The following ABCA10 variants were observed in gnomAD, a reference collection of about 807,000 sequenced individuals.
The protein encoded by ABCA10 is ATP-binding cassette sub-family A member 10.
Under a neutral mutation model 187.5 loss-of-function variants are expected in ABCA10, and 169 were observed. That is an observed-to-expected ratio of 0.90 (90% confidence interval 0.80 to 1.02). The LOEUF (loss-of-function observed/expected upper bound fraction) is 1.02, where lower values mean the gene tolerates loss of function less well. ABCA10 is among the 50% of genes least tolerant of loss of function. ABCA10 has a pLI of 0.00. For missense variants in ABCA10, 1,727 were observed against 1,812.4 expected (o/e 0.95, Z 0.86); for synonymous variants, 574 against 601.8 (o/e 0.95, Z 0.68).
At chr17:69,241,287 G>A (rs1413654255) in intron 1 of ABCA10, among the ~76,000 whole-genome samples, 3 of 152,124 alleles carry the variant, frequency 2.0e-5, no homozygotes, top group African/African-American at 7.2e-5. Flanking sequence ...TCAATATTCA[G>A]AATTAGACCA....
At chr17:69,220,866 T>C (rs1202031114) in intron 5 of ABCA10, among the ~76,000 whole-genome samples, 2 of 152,210 alleles carry the variant, frequency 1.3e-5, no homozygotes, top group Admixed American at 1.3e-4. Context: ...ACAGCGGCTT[T>C]CATACTACAA....
intron 1 of ABCA10, among the ~76,000 whole-genome samples, chr17:69,243,840 G>A (rs1328936894): frequency 6.6e-6 from 1 of 152,198 alleles, no homozygotes; most frequent in Non-Finnish European, 1.5e-5. Flanking sequence ...TGAGGCTGCA[G>A]TGAGCCGGGA....
At chr17:69,226,281 T>G (rs1295463679) in intron 2 of ABCA10, among the ~76,000 whole-genome samples, 1 of 152,076 alleles carries the variant, frequency 6.6e-6, no homozygotes, top group Non-Finnish European at 1.5e-5. Flanking sequence ...AGGTGTTCAT[T>G]GTACCAATAT....
intron 6 of ABCA10, among the ~76,000 whole-genome samples, chr17:69,216,936 A>G (rs2074710560): frequency 6.6e-6 from 1 of 152,138 alleles, no homozygotes; most frequent in Non-Finnish European, 1.5e-5. Context: ...AAGAAATGTG[A>G]AACTAAAATA....
At chr17:69,207,744 G>C (rs1161434311) in intron 9 of ABCA10, among the ~76,000 whole-genome samples, 2 of 152,132 alleles carry the variant, frequency 1.3e-5, no homozygotes, top group Non-Finnish European at 2.9e-5. Flanking sequence ...TGGCTACCAG[G>C]GCCTGGCAGT....
chr17:69,231,900 T>C (rs530198986), upstream of ABCA10, among the ~76,000 whole-genome samples: 1 of 152,166 alleles, frequency 6.6e-6, no homozygotes, highest in Non-Finnish European at 1.5e-5. Context: ...TTTAGATCTA[T>C]TTATATTTGC....
chr17:69,157,005 A>G (rs1266249893), intron 27 of ABCA10, 82 bp from the exon 28 acceptor site: 2 of 836,268 alleles, frequency 2.4e-6, no homozygotes, highest in African/African-American at 1.8e-5. Context: ...TTTTTTTGTC[A>G]CAGAAGATTT....
At position 69,150,043 on chromosome 17, in the gene ABCA10, T is replaced by C. The variant is rs762629964; in HGVS notation, c.4418A>G (p.Tyr1473Cys). ...WQERYSSLMA[Y>C]KLPVEDVHPL... ...GTGGACATCCTCCACAGGTAACTTA[T>C]ACGCCATTAAAGAGGAATATCTGTC... The change falls in exon 37 of 39, where the codon TAT becomes TGT. Residue 1473 changes from tyrosine to cysteine, a missense_variant. Tyr to Cys is a radical substitution (Grantham distance 194). Coordinates refer to ENST00000690296, the MANE Select transcript of ABCA10 (RefSeq NM_001377321.1). 3.4e-5 allele frequency: 55 copies of C among 1,612,864 alleles called. No individual in the cohort carries two copies. In the Admixed American group the frequency reaches 6.3e-4, roughly 19 times the overall value.
chr17:69,191,742 A>G (rs1222760127), intron 16 of ABCA10, among the ~76,000 whole-genome samples: 1 of 152,234 alleles, frequency 6.6e-6, no homozygotes, highest in Non-Finnish European at 1.5e-5. Flanking sequence ...ATAGGATATA[A>G]GATACATGAA....
rs146954901 is a variant in ABCA10, at chr17:69,222,498, C to G, written c.199+35G>C. 6.1e-4 allele frequency: 887 copies of G among 1,453,848 alleles called. 11 individuals carry two copies. The Admixed American group carries it at 0.017, about 28-fold the overall frequency. The allele number at this position is 1,453,848 out of a possible 1,614,324, so 90.1% of individuals were successfully genotyped here. A position where few individuals can be genotyped will look rare whatever the true frequency, so the allele number is the denominator to read the frequency against. On this transcript the variant is annotated intron_variant, in intron 4 of 38. Coordinates refer to ENST00000690296, the MANE Select transcript of ABCA10 (RefSeq NM_001377321.1). ...CCAAACAGGGGATTCCATGAAGTAT[C>G]AAAAAAAAATTATAATCAGTTTTTT...
intron 1 of ABCA10, among the ~76,000 whole-genome samples, chr17:69,241,556 G>T (rs2074903443): frequency 6.6e-6 from 1 of 152,066 alleles, no homozygotes; most frequent in Non-Finnish European, 1.5e-5. Context: ...CCCTTAATCA[G>T]TTAGCTAAAG....
rs777903690 is a variant in ABCA10, at chr17:69,191,305, T to G, written c.1882A>C (p.Asn628His). ...GIGYHLSLHR[N>H]EMCDTEKITS... is the part of the protein sequence containing the mutation. ...ATTTTTTCTGTGTCACACATTTCAT[T>G]CCTGTGTAAACTATTATTTCAAAAG... The change falls in exon 17 of 39, where the codon AAT becomes CAT. Residue 628 changes from asparagine (N) to histidine (H), a missense_variant. Transcript: ENST00000690296. The G allele has an allele frequency of 1.9e-6, 3 of 1,566,398 alleles. No homozygotes were observed. The highest frequency in any genetic ancestry group is 2.6e-6 in the Non-Finnish European group (3 of 1,153,052).
intron 27 of ABCA10, among the ~76,000 whole-genome samples, chr17:69,159,942 A>G (rs1470178976): frequency 6.6e-6 from 1 of 152,226 alleles, no homozygotes; most frequent in African/African-American, 2.4e-5. Flanking sequence ...AACTGATGTC[A>G]ATATGTAAAA....
At chr17:69,194,841 T>G (rs902318754) in intron 11 of ABCA10, among the ~76,000 whole-genome samples, 9 of 152,056 alleles carry the variant, frequency 5.9e-5, no homozygotes, top group Non-Finnish European at 1.2e-4. Context: ...AGGAAAGAAG[T>G]GTGGCTTAAG....
At chr17:69,211,332 TATATATATATA>T (rs2074652516) in intron 9 of ABCA10, among the ~76,000 whole-genome samples, 1 of 112,140 alleles carries the variant, frequency 8.9e-6, no homozygotes, top group South Asian at 2.5e-4. Flanking sequence ...TATATATATA[TATATATATATA>T]TATATATATA....
intron 25 of ABCA10, among the ~76,000 whole-genome samples, chr17:69,168,287 G>A (rs1376995232): frequency 6.6e-6 from 1 of 152,054 alleles, no homozygotes; most frequent in Admixed American, 6.6e-5. Context: ...TGAGGGTAGG[G>A]GGTTGGTGCC....
rs999475841 is a variant in ABCA10 at position 69,201,714 on chromosome 17, C to T, written c.1007-46G>A. 5 of 1,420,964 alleles carry T rather than the reference C, an allele frequency of 3.5e-6. No homozygotes were observed. In the East Asian group the frequency reaches 7.2e-5, roughly 20 times the overall value. 88.0% of individuals were successfully genotyped at this position (1,420,964 alleles called of 1,614,324 possible). A position where few individuals can be genotyped will look rare whatever the true frequency, so the allele number is the denominator to read the frequency against. Reference sequence around the variant, plus strand: ...TACATATTGCATCAATTATACCACACCAATAAAAAGGGACATCTGTCCTTT... The same window carrying T: ...TACATATTGCATCAATTATACCACATCAATAAAAAGGGACATCTGTCCTTT... On this transcript the variant is annotated intron_variant, in intron 9 of 38. Transcript: ENST00000690296.
At position 69,187,740 on chromosome 17, in the gene ABCA10, A is replaced by G; in HGVS notation, c.2271T>C (p.Tyr757=). The change falls in exon 19 of 39, where the codon TAT becomes TAC. Residue 757 remains tyrosine, a synonymous_variant. Coordinates refer to ENST00000690296, the MANE Select transcript of ABCA10 (RefSeq NM_001377321.1). Reference sequence around the variant, plus strand: ...TTAAGAAGCGAAGTGTTGCCACTGCATAGATTTGTCGTCTCCAGAGAGCTG... The same window carrying G: ...TTAAGAAGCGAAGTGTTGCCACTGCGTAGATTTGTCGTCTCCAGAGAGCTG... ...SSAALWRRQI[Y]AVATLRFLKL... The G allele has an allele frequency of 6.2e-7, 1 of 1,613,906 alleles. No homozygotes were observed. Among genetic ancestry groups the G allele is most frequent in the South Asian group, 1.1e-5 (1 of 91,076 alleles).
chr17:69,162,665 G>C (rs888961859), intron 27 of ABCA10, among the ~76,000 whole-genome samples: 1 of 151,872 alleles, frequency 6.6e-6, no homozygotes, highest in Non-Finnish European at 1.5e-5. Context: ...ACCCATTTTT[G>C]TTCAGTTAGT....
Sources: allele counts gnomAD v4.1 joint callset (sites outside exome capture counted in the v4.1 genomes callset), GRCh38; gene constraint gnomAD v4.1.1; transcripts MANE v1.5; gene names NCBI Gene and HGNC (gene_info 2026-07-23, HGNC 2026-07-21).